The following HHAT variants were observed in gnomAD, a reference collection of about 807,000 sequenced individuals.
HHAT encodes hedgehog acyltransferase.
In HHAT, 47 loss-of-function variants were observed where a neutral mutation model predicts 70.8. The observed-to-expected ratio is 0.66, with a 90% CI of 0.53 to 0.85. The LOEUF (loss-of-function observed/expected upper bound fraction) is 0.85. Ranked by LOEUF, HHAT falls within the 40% of genes least tolerant of loss-of-function variation. HHAT has a pLI of 0.00. For synonymous variants in HHAT, 228 were observed against 247.6 expected, an observed-to-expected ratio of 0.92 and a Z score of 0.74; for missense variants, 609 against 604.8, an observed-to-expected ratio of 1.01 and a Z score of -0.07.
Position 210,362,919 on chromosome 1 carries a change from G to C in HHAT, c.159G>C (p.Lys53Asn). ...ACACTTTATTTGGAGGATTAAAGAAGGTACAAAGTGGATGCATAATAAATC... is the reference window on the plus strand; with the variant it reads ...ACACTTTATTTGGAGGATTAAAGAACGTACAAAGTGGATGCATAATAAATC... ...ETDTLFGGLK[K>N]DATDFEWSFW... Residue 53 changes from lysine (K) to asparagine (N), a missense_variant and splice_region_variant, in exon 3 of 12, where the codon AAG becomes AAC. Lys to Asn is a moderately conservative substitution (Grantham distance 94). Coordinates refer to ENST00000261458, the MANE Select transcript of HHAT (RefSeq NM_018194.6). 4 of 1,603,906 alleles carry C rather than the reference G, an allele frequency of 2.5e-6. No homozygotes were observed. Among genetic ancestry groups the C allele is most frequent in the Non-Finnish European group, 3.4e-6 (4 of 1,170,722 alleles).
chr1:210,594,358 A>G (rs1248800600), intron 10 of HHAT, among the ~76,000 whole-genome samples: 1 of 152,150 alleles, frequency 6.6e-6, no homozygotes, highest in East Asian at 1.9e-4. Flanking sequence ...GCTTGCAAAT[A>G]ATCTTATCAC....
chr1:210,489,883 C>T (rs182383239), intron 8 of HHAT, among the ~76,000 whole-genome samples: 1 of 152,132 alleles, frequency 6.6e-6, no homozygotes, highest in East Asian at 1.9e-4. Context: ...CAGTCCCAGT[C>T]CTTTGTGAAG....
At chr1:210,400,389 C>G (rs1379145520) in intron 4 of HHAT, 79 bp from the exon 5 acceptor site, 1 of 1,302,420 alleles carries the variant, frequency 7.7e-7, no homozygotes, top group Non-Finnish European at 1.0e-6. Flanking sequence ...AATATCACTT[C>G]CATGAGCTCA....
intron 9 of HHAT, among the ~76,000 whole-genome samples, chr1:210,578,473 A>C (rs1658423952): frequency 1.3e-5 from 2 of 152,334 alleles, no homozygotes; most frequent in African/African-American, 4.8e-5. Flanking sequence ...CACACTTCTG[A>C]GTATACAAAA....
intron 7 of HHAT, among the ~76,000 whole-genome samples, chr1:210,449,304 A>G (rs1377102967): frequency 2.7e-5 from 4 of 150,500 alleles, no homozygotes; most frequent in Non-Finnish European, 5.9e-5. Context: ...AAACAGACCA[A>G]TCTTTCAAAA....
chr1:210,555,277 T>C (rs2095562047), intron 9 of HHAT, among the ~76,000 whole-genome samples: 1 of 152,232 alleles, frequency 6.6e-6, no homozygotes, highest in Non-Finnish European at 1.5e-5. Flanking sequence ...CTACTCACCC[T>C]GACCCCTCGC....
chr1:210,575,128 C>A (rs1244695346), intron 9 of HHAT, among the ~76,000 whole-genome samples: 2 of 152,148 alleles, frequency 1.3e-5, no homozygotes, highest in African/African-American at 4.8e-5. Flanking sequence ...GGAGGGTGGG[C>A]TCTTTCCCCT....
intron 7 of HHAT, among the ~76,000 whole-genome samples, chr1:210,449,151 TC>T (rs1181911374): frequency 1.3e-5 from 2 of 152,194 alleles, no homozygotes; most frequent in Non-Finnish European, 2.9e-5. Flanking sequence ...AAATTGGTGG[TC>T]GGACCTCCCG....
intron 2 of HHAT, among the ~76,000 whole-genome samples, chr1:210,355,821 T>C (rs2087550891): frequency 6.6e-6 from 1 of 152,224 alleles, no homozygotes; most frequent in South Asian, 2.1e-4. Context: ...ATGAAATCTC[T>C]TTGGGAGTAG....
intron 6 of HHAT, 82 bp downstream of exon 6, chr1:210,404,761 T>A: frequency 8.7e-7 from 1 of 1,154,074 alleles, no homozygotes; most frequent in Non-Finnish European, 1.2e-6. Flanking sequence ...GACTCTTGAG[T>A]CGTTTTGTTC....
At chr1:210,442,461 C>G (rs1415990178) in intron 7 of HHAT, among the ~76,000 whole-genome samples, 11 of 147,284 alleles carry the variant, frequency 7.5e-5, no homozygotes, top group Admixed American at 1.4e-4. Flanking sequence ...GTTTACAGTC[C>G]CACCAACAGT....
intron 8 of HHAT, among the ~76,000 whole-genome samples, chr1:210,481,338 T>C (rs907949558): frequency 8.5e-5 from 13 of 152,220 alleles, no homozygotes; most frequent in Admixed American, 7.2e-4. Context: ...CTTTACCATA[T>C]GTAGTCAATT....
intron 9 of HHAT, among the ~76,000 whole-genome samples, chr1:210,538,915 A>C (rs1398976194): frequency 6.6e-6 from 1 of 152,178 alleles, no homozygotes; most frequent in African/African-American, 2.4e-5. Context: ...CGTCTCTACC[A>C]AAAATACAAA....
chr1:210,494,615 A>G (rs1031161743), intron 8 of HHAT, among the ~76,000 whole-genome samples: 1 of 130,218 alleles, frequency 7.7e-6, no homozygotes, highest in Non-Finnish European at 1.5e-5. Flanking sequence ...GCAATGGTGC[A>G]GTCTTGGCTC....
rs79946770 is a variant in HHAT at position 210,645,600 on chromosome 1, A to G, written c.1390+21930A>G. Among the ~76,000 whole-genome samples, 68 of 152,310 alleles carry G rather than the reference A, an allele frequency of 4.5e-4. 1 individual carries two copies. The East Asian group carries it at 0.012, about 26-fold the overall frequency. ...ACCTGTGCAGTTGCTGCCACCATCA[A>G]GCTATGAAGCAATTAACGTGGTTGG... On this transcript the variant is annotated intron_variant, in intron 11 of 11. Coordinates refer to ENST00000261458, the MANE Select transcript of HHAT (RefSeq NM_018194.6).
chr1:210,656,132 C>T (rs1013274038), intron 11 of HHAT, among the ~76,000 whole-genome samples: 1 of 152,156 alleles, frequency 6.6e-6, no homozygotes, highest in Admixed American at 6.5e-5. Flanking sequence ...ATCCATTGGT[C>T]TTGGTTCTGC....
chr1:210,346,078 A>T (rs1225573922), intron 1 of HHAT, among the ~76,000 whole-genome samples: 3 of 152,080 alleles, frequency 2.0e-5, no homozygotes, highest in East Asian at 1.9e-4. Flanking sequence ...AAGAAAAAAA[A>T]AAAAAAAGCA....
At chr1:210,650,822 G>A (rs1168773393) in intron 11 of HHAT, among the ~76,000 whole-genome samples, 2 of 152,162 alleles carry the variant, frequency 1.3e-5, no homozygotes. Context: ...ATGGACCTGA[G>A]GCAGGCCTAT....
chr1:210,612,158 A>G (rs1250758631), intron 10 of HHAT, among the ~76,000 whole-genome samples: 1 of 152,134 alleles, frequency 6.6e-6, no homozygotes, highest in Admixed American at 6.6e-5. Context: ...TAATGTTTTC[A>G]TTGTGATAAA....
Sources: allele counts gnomAD v4.1 joint callset (sites outside exome capture counted in the v4.1 genomes callset), GRCh38; gene constraint gnomAD v4.1.1; transcripts MANE v1.5; gene names NCBI Gene and HGNC (gene_info 2026-07-23, HGNC 2026-07-21).